Variants in CLSTN2 observed in about 807,000 individuals in gnomAD.
The protein encoded by CLSTN2 is calsyntenin 2, also known as calsyntenin-2.
A neutral mutation model predicts 101.2 loss-of-function variants in CLSTN2; 48 were observed. The ratio of observed to expected loss-of-function variants is 0.47; its 90% CI spans 0.38 to 0.60. The LOEUF is 0.60. Among genes scored for constraint, CLSTN2 ranks in the 20% least tolerant of loss-of-function variants. The pLI, the probability that CLSTN2 is intolerant of heterozygous loss-of-function variation, is 0.00. For missense variants in CLSTN2, 1,160 were observed against 1,238.2 expected, an observed-to-expected ratio of 0.94 and a Z score of 0.95; for synonymous variants, 481 against 463.6, an observed-to-expected ratio of 1.04 and a Z score of -0.48.
chr3:139,941,678 A>G (rs1250149309), intron 1 of CLSTN2, among the ~76,000 whole-genome samples: 5 of 152,186 alleles, frequency 3.3e-5, no homozygotes, highest in Non-Finnish European at 7.4e-5. Context: ...GTGGGTAGGC[A>G]TTGGGTAAGC....
At chr3:140,006,986 C>G (rs1420279780) in intron 1 of CLSTN2, among the ~76,000 whole-genome samples, 1 of 151,982 alleles carries the variant, frequency 6.6e-6, no homozygotes, top group Non-Finnish European at 1.5e-5. Flanking sequence ...AAACAAATGT[C>G]AAGATTTCAA....
At chr3:140,165,634 G>C (rs1271000955) in intron 1 of CLSTN2, among the ~76,000 whole-genome samples, 1 of 152,100 alleles carries the variant, frequency 6.6e-6, no homozygotes, top group African/African-American at 2.4e-5. Context: ...GCAAAGGCCT[G>C]GATAACCTAG....
rs372172562 is a variant in CLSTN2 at position 140,084,598 on chromosome 3, A to G, written c.110-91353A>G. ...CAGAATGTGTTGCTGTTTTATGGTT[A>G]TTTTACCAAATTCCCAGGTTCAAGG... On this transcript the variant is annotated intron_variant, in intron 1 of 16. Transcript: ENST00000458420. 4.6e-5 allele frequency among the ~76,000 whole-genome samples: 7 copies of G among 152,142 alleles called. No homozygotes were observed. The East Asian group carries it at 1.3e-3, about 29-fold the overall frequency.
chr3:140,266,822 T>C (rs2086697229), intron 2 of CLSTN2, among the ~76,000 whole-genome samples: 1 of 152,174 alleles, frequency 6.6e-6, no homozygotes, highest in African/African-American at 2.4e-5. Context: ...CACCTGGCCA[T>C]GGTGTTAATC....
At chr3:140,012,929 G>C (rs973785922) in intron 1 of CLSTN2, among the ~76,000 whole-genome samples, 7 of 33,544 alleles carry the variant, frequency 2.1e-4, no homozygotes, top group African/African-American at 3.5e-4. Flanking sequence ...GGTATGGCTG[G>C]ACACAGAGAC....
chr3:140,526,871 C>T (rs115268418), intron 8 of CLSTN2, among the ~76,000 whole-genome samples: 1,576 of 152,174 alleles, frequency 0.01, 27 homozygotes, highest in African/African-American at 0.036. Flanking sequence ...GTTGGGATAA[C>T]GGGCTAGCCA....
At chr3:140,513,769 C>T (rs1299204389) in intron 8 of CLSTN2, among the ~76,000 whole-genome samples, 5 of 151,496 alleles carry the variant, frequency 3.3e-5, no homozygotes, top group African/African-American at 1.2e-4. Flanking sequence ...TGGGCCTGGG[C>T]TTTTTTTGGT....
At position 140,024,583 on chromosome 3, in the gene CLSTN2, C is replaced by T. The variant is rs530891634; in HGVS notation, c.109+89100C>T. ...CGCAAACAACACCCTGCAGCTCAGG[C>T]TGCAGGCAGGAGCTGGGTACTCCTG... On this transcript the variant is annotated intron_variant, in intron 1 of 16. Coordinates refer to ENST00000458420, the MANE Select transcript of CLSTN2 (RefSeq NM_022131.3). Among the ~76,000 whole-genome samples the T allele has an allele frequency of 2.6e-5, 4 of 152,318 alleles. No individual in the cohort carries two copies. In the South Asian group the frequency reaches 8.3e-4, roughly 32 times the overall value.
intron 1 of CLSTN2, among the ~76,000 whole-genome samples, chr3:139,986,862 C>T (rs898733599): frequency 6.6e-6 from 1 of 152,140 alleles, no homozygotes; most frequent in Non-Finnish European, 1.5e-5. Flanking sequence ...TGGGGGCTGG[C>T]TATGGGCTGT....
intron 4 of CLSTN2, among the ~76,000 whole-genome samples, chr3:140,411,055 T>C (rs1283907701): frequency 1.3e-5 from 2 of 151,824 alleles, no homozygotes; most frequent in Non-Finnish European, 1.5e-5. Context: ...CCAGCAAAGG[T>C]TGACAAAATG....
intron 1 of CLSTN2, among the ~76,000 whole-genome samples, chr3:140,082,961 C>G (rs1395723459): frequency 6.6e-6 from 1 of 152,140 alleles, no homozygotes; most frequent in African/African-American, 2.4e-5. Context: ...ATGGACAGCA[C>G]CATCATTTCA....
intron 8 of CLSTN2, among the ~76,000 whole-genome samples, chr3:140,521,563 G>C (rs1935026563): frequency 6.6e-6 from 1 of 152,202 alleles, no homozygotes; most frequent in African/African-American, 2.4e-5. Context: ...AGGTGGCTGA[G>C]AACCCTTGTT....
intron 2 of CLSTN2, among the ~76,000 whole-genome samples, chr3:140,331,484 C>T (rs2087382811): frequency 6.6e-6 from 1 of 152,174 alleles, no homozygotes; most frequent in Admixed American, 6.5e-5. Context: ...CACACCAGGC[C>T]ACACCCTGAA....
At chr3:140,482,920 A>T (rs1011766845) in intron 8 of CLSTN2, among the ~76,000 whole-genome samples, 1 of 151,744 alleles carries the variant, frequency 6.6e-6, no homozygotes, top group African/African-American at 2.4e-5. Flanking sequence ...TTTTTTGAAG[A>T]GTCTTTTTTG....
At chr3:140,044,506 T>G (rs890812950) in intron 1 of CLSTN2, among the ~76,000 whole-genome samples, 2 of 152,208 alleles carry the variant, frequency 1.3e-5, no homozygotes, top group African/African-American at 4.8e-5. Flanking sequence ...CTTTTCCTAA[T>G]TGAATACCCT....
intron 1 of CLSTN2, among the ~76,000 whole-genome samples, chr3:140,159,107 G>A (rs190435065): frequency 3.2e-4 from 49 of 152,174 alleles, no homozygotes; most frequent in Admixed American, 2.6e-3. Context: ...TATTCTTCTC[G>A]ACATTAGCCT....
chr3:140,189,907 C>T (rs2010535706), intron 2 of CLSTN2, among the ~76,000 whole-genome samples: 1 of 152,134 alleles, frequency 6.6e-6, no homozygotes. Context: ...CCTGAGTAAG[C>T]TTATAAGCAA....
At chr3:140,167,538 T>G (rs944826214) in intron 1 of CLSTN2, among the ~76,000 whole-genome samples, 4 of 152,218 alleles carry the variant, frequency 2.6e-5, no homozygotes, top group African/African-American at 9.6e-5. Flanking sequence ...TTGCCCCACA[T>G]GTATTGCGGC....
At chr3:140,452,755 A>G (rs1286941141) in intron 6 of CLSTN2, 1 of 152,174 alleles carries the variant, frequency 6.6e-6, no homozygotes, top group Non-Finnish European at 1.5e-5. Flanking sequence ...TTATGCATGG[A>G]GACACTGCCA....
Sources: gnomAD v4.1 joint callset for allele counts (sites outside exome capture counted in the v4.1 genomes callset) on GRCh38, gnomAD v4.1.1 for gene constraint, MANE v1.5 for transcripts, NCBI Gene and HGNC (gene_info 2026-07-23, HGNC 2026-07-21) for gene names.